The following CCNT2 variants were observed in gnomAD, a reference collection of about 807,000 sequenced individuals.
CCNT2 encodes the protein cyclin-T2.
CCNT2 carries 18 observed loss-of-function variants against 70.0 expected under a neutral mutation model. The observed-to-expected ratio is 0.26, with a 90% CI of 0.18 to 0.38. The LOEUF (loss-of-function observed/expected upper bound fraction) is 0.38, where lower values mean the gene tolerates loss of function less well. Among genes scored for constraint, CCNT2 ranks in the 10% least tolerant of loss-of-function variants. The pLI, the probability that CCNT2 is intolerant of heterozygous loss-of-function variation, is 1.00. For missense variants in CCNT2, 734 were observed against 890.2 expected, an observed-to-expected ratio of 0.82 and a Z score of 2.23; for synonymous variants, 334 against 313.3, an observed-to-expected ratio of 1.07 and a Z score of -0.70.
chr2:134,924,150 ACT>A (rs1176408239), intron 2 of CCNT2, among the ~76,000 whole-genome samples: 5 of 151,624 alleles, frequency 3.3e-5, no homozygotes, highest in African/African-American at 1.2e-4. Flanking sequence ...TCCCCAGATA[ACT>A]CTCTTTTCCA....
At chr2:134,948,526 C>T (rs1016145444) in intron 7 of CCNT2, among the ~76,000 whole-genome samples, 1 of 152,026 alleles carries the variant, frequency 6.6e-6, no homozygotes, top group Non-Finnish European at 1.5e-5. Flanking sequence ...TGTTGCCTTA[C>T]ATTGTTAAAT....
chr2:134,924,405 G>A (rs191751298), intron 2 of CCNT2, among the ~76,000 whole-genome samples: 13 of 152,232 alleles, frequency 8.5e-5, no homozygotes, highest in African/African-American at 2.2e-4. Flanking sequence ...ATGTCTCCAC[G>A]TGCTCAACTC....
rs755683329 is a variant in CCNT2, at chr2:134,945,769, T to TTC, written c.494-331_494-330insCT. On this transcript the variant is annotated intron_variant, in intron 5 of 8. Coordinates refer to ENST00000264157, the MANE Select transcript of CCNT2 (RefSeq NM_058241.3). ...TCAAAATCTTTTCTTCTTCTTCTTCTTTTTTTTTTAAATCCAGGAGAATGC... is the reference window on the plus strand; with the variant it reads ...TCAAAATCTTTTCTTCTTCTTCTTCTTCTTTTTTTTTAAATCCAGGAGAATGC... 23 of 547,282 alleles carry TTC rather than the reference T, an allele frequency of 4.2e-5. No individual in the cohort carries two copies. The South Asian group carries it at 6.1e-4, about 15-fold the overall frequency. The allele number at this position is 547,282 out of a possible 1,614,324, so 33.9% of individuals were successfully genotyped here. A position where few individuals can be genotyped will look rare whatever the true frequency, so the allele number is the denominator to read the frequency against.
chr2:134,923,802 A>G (rs1165265712), intron 2 of CCNT2, among the ~76,000 whole-genome samples: 1 of 152,222 alleles, frequency 6.6e-6, no homozygotes, highest in Non-Finnish European at 1.5e-5. Flanking sequence ...ATTTGAACCC[A>G]AGTCCTTTGC....
intron 2 of CCNT2, among the ~76,000 whole-genome samples, chr2:134,931,251 C>G (rs1270557909): frequency 1.5e-5 from 1 of 65,696 alleles, no homozygotes; most frequent in Non-Finnish European, 3.1e-5. Context: ...CATAAGCCAC[C>G]ATGCCCGGAT....
In CCNT2 at chr2:134,953,670, T is replaced by C; in HGVS notation, c.1215T>C (p.Ser405=). 1.2e-6 allele frequency: 2 copies of C among 1,614,026 alleles called. No individual in the cohort carries two copies. The highest frequency in any genetic ancestry group is 1.1e-5 in the South Asian group (1 of 91,084). Reference sequence around the variant, plus strand: ...CTGACAAAATTTCAGATCATTCTTCTGTTAAGCAAGAATATACTCATAAAG... The same window carrying C: ...CTGACAAAATTTCAGATCATTCTTCCGTTAAGCAAGAATATACTCATAAAG... ...HRPDKISDHS[S]VKQEYTHKAG... Residue 405 remains serine (S), a synonymous_variant, in exon 9 of 9, where the codon TCT becomes TCC. Coordinates refer to ENST00000264157, the MANE Select transcript of CCNT2 (RefSeq NM_058241.3).
Position 134,953,630 on chromosome 2 carries a change from G to A in CCNT2, c.1175G>A (p.Gly392Glu). The change falls in exon 9 of 9, where the codon GGA (glycine) becomes GAA (glutamate). Residue 392 changes from glycine to glutamate, a missense_variant. This residue lies in a region of CCNT2 where 532 missense variants were observed against 556.9 expected (regional missense o/e 0.96). Transcript: ENST00000264157. ...GGACCTTCTATATCACTGCATTCAG[G>A]ATTACATCACAGACCTGACAAAATT... ...QQGPSISLHS[G>E]LHHRPDKISD... 6.2e-7 allele frequency: 1 copy of A among 1,614,080 alleles called. No homozygotes were observed. Among genetic ancestry groups the A allele is most frequent in the Non-Finnish European group, 8.5e-7 (1 of 1,180,002 alleles).
Position 134,947,756 on chromosome 2 carries a change from G to T in CCNT2, c.560G>T (p.Cys187Phe). The part of the protein sequence containing the change: ...ATNSLHLTTF[C>F]LQYKPTVIAC... ...AACAGTCTGCATCTTACAACCTTCT[G>T]TCTTCAGTACAAACCAACAGTGATA... Residue 187 changes from cysteine to phenylalanine, a missense_variant, in exon 7 of 9, where the codon TGT becomes TTT. Physicochemically the swap from Cys to Phe is radical, Grantham distance 205. Transcript: ENST00000264157. 6.7e-7 allele frequency: 1 copy of T among 1,501,548 alleles called. No homozygotes were observed. Among genetic ancestry groups the T allele is most frequent in the Non-Finnish European group, 9.0e-7 (1 of 1,105,264 alleles). 93.0% of individuals were successfully genotyped at this position (1,501,548 alleles called of 1,614,324 possible). A position where few individuals can be genotyped will look rare whatever the true frequency, so the allele number is the denominator to read the frequency against.
chr2:134,923,252 A>G (rs1408164668), intron 2 of CCNT2, among the ~76,000 whole-genome samples: 1 of 152,098 alleles, frequency 6.6e-6, no homozygotes, highest in Non-Finnish European at 1.5e-5. Flanking sequence ...CTGCACTCCA[A>G]CCTGGGCAAC....
chr2:134,948,025 G>GA (rs956377454), intron 7 of CCNT2, 126 bp downstream of exon 7: 3,291 of 452,056 alleles, frequency 7.3e-3, no homozygotes, highest in East Asian at 9.1e-3. Context: ...TCAGCCTAAA[G>GA]AAAAAAAAAT....
intron 4 of CCNT2, among the ~76,000 whole-genome samples, chr2:134,940,290 T>G (rs766242124): frequency 6.6e-6 from 1 of 152,084 alleles, no homozygotes; most frequent in African/African-American, 2.4e-5. Context: ...ATAAATAATA[T>G]TGGAAAATTG....
chr2:134,933,883 G>A (rs918879267), intron 2 of CCNT2, among the ~76,000 whole-genome samples: 2 of 152,048 alleles, frequency 1.3e-5, no homozygotes, highest in African/African-American at 4.8e-5. Flanking sequence ...TTACAAGCAG[G>A]TACTATTAAT....
Position 134,956,943 on chromosome 2 carries a change from ATTCAC to A in CCNT2, c.*2298_*2302del, listed in dbSNP as rs1310610201. On this transcript the variant is annotated 3_prime_UTR_variant, in exon 9 of 9. Coordinates refer to ENST00000264157, the MANE Select transcript of CCNT2 (RefSeq NM_058241.3). ...CAAAATTGAATTTGAAATGCTATGT[ATTCAC>A]TTTTCACTCTGTAAATGTAATTCTT... is the stretch of plus-strand genomic sequence containing the variant. 12 of 152,606 alleles carry A rather than the reference ATTCAC, an allele frequency of 7.9e-5. No individual in the cohort carries two copies. The highest frequency in any genetic ancestry group is 7.9e-4 in the Admixed American group (12 of 15,282). 9.5% of individuals were successfully genotyped at this position (152,606 alleles called of 1,614,324 possible). A position where few individuals can be genotyped will look rare whatever the true frequency, so the allele number is the denominator to read the frequency against.
chr2:134,936,784 G>A lies in CCNT2; in HGVS notation c.241-57G>A. On this transcript the variant is annotated intron_variant, in intron 2 of 8. Transcript: ENST00000264157. The stretch of plus-strand genomic sequence containing the variant: ...AAAAAACAGAAAAGAAAAGAAAATA[G>A]AGGGTTTTTTGAAATGTATTTGTTC... 62 of 1,483,804 alleles carry A rather than the reference G, an allele frequency of 4.2e-5. 1 individual carries two copies. The South Asian group carries it at 7.4e-4, about 18-fold the overall frequency. The allele number at this position is 1,483,804 out of a possible 1,614,324, so 91.9% of individuals were successfully genotyped here. A position where few individuals can be genotyped will look rare whatever the true frequency, so the allele number is the denominator to read the frequency against.
intron 5 of CCNT2, 38 bp from the exon 6 acceptor site, chr2:134,946,063 C>T (rs1415128446): frequency 6.2e-7 from 1 of 1,608,458 alleles, no homozygotes; most frequent in African/African-American, 1.3e-5. Context: ...CACGTTAAGG[C>T]TGATAGTATT....
At chr2:134,921,060 A>G (rs1234110512) in intron 2 of CCNT2, among the ~76,000 whole-genome samples, 1 of 152,182 alleles carries the variant, frequency 6.6e-6, no homozygotes, top group Non-Finnish European at 1.5e-5. Flanking sequence ...TTTCTTGTGC[A>G]TAACATTTAG....
Position 134,958,019 on chromosome 2 carries a change from G to C in CCNT2, c.*3371G>C, listed in dbSNP as rs1187618418. On this transcript the variant is annotated 3_prime_UTR_variant, in exon 9 of 9. Transcript: ENST00000264157. ...AGTACAAAATACCATTGCCTTAAAA[G>C]GTTTCAAGCACATTTTCTTTTCTAT... 6.6e-6 allele frequency: 1 copy of C among 152,112 alleles called. No homozygotes were observed. The highest frequency in any genetic ancestry group is 1.5e-5 in the Non-Finnish European group (1 of 68,006). The allele number at this position is 152,112 out of a possible 1,614,324, so 9.4% of individuals were successfully genotyped here.
chr2:134,937,169 A>G (rs1403418871), intron 3 of CCNT2, among the ~76,000 whole-genome samples, 200 bp downstream of exon 3: 1 of 152,218 alleles, frequency 6.6e-6, no homozygotes, highest in Non-Finnish European at 1.5e-5. Context: ...GTCATTCTGA[A>G]TTATAGAAGG....
chr2:134,936,769 AAAG>A (rs1681184731), intron 2 of CCNT2, 69 bp from the exon 3 acceptor site: 6 of 1,430,376 alleles, frequency 4.2e-6, no homozygotes, highest in African/African-American at 1.5e-5. Flanking sequence ...AAAAAACAGA[AAAG>A]AAAAGAAAAT....
Sources: gnomAD v4.1 joint callset for allele counts (sites outside exome capture counted in the v4.1 genomes callset) on GRCh38, gnomAD v4.1.1 for gene constraint, gnomAD v4.1.1 regional missense constraint, MANE v1.5 for transcripts, NCBI Gene and HGNC (gene_info 2026-07-23, HGNC 2026-07-21) for gene names.